The following CPEB3 variants were observed in gnomAD, a reference collection of about 807,000 sequenced individuals.
CPEB3 encodes cytoplasmic polyadenylation element binding protein 3.
Under a neutral mutation model 67.2 loss-of-function variants are expected in CPEB3, and 20 were observed. That is an observed-to-expected ratio of 0.30 (90% CI 0.21 to 0.43). CPEB3 has a LOEUF of 0.43. CPEB3 is among the 20% of genes least tolerant of loss of function. CPEB3 has a pLI of 1.00. For synonymous variants in CPEB3, 376 were observed against 393.1 expected, an observed-to-expected ratio of 0.96 and a Z score of 0.51; for missense variants, 746 against 968.6, an observed-to-expected ratio of 0.77 and a Z score of 3.05.
chr10:92,286,377 G>C (rs535062546), intron 1 of CPEB3, among the ~76,000 whole-genome samples: 2 of 151,960 alleles, frequency 1.3e-5, no homozygotes, highest in South Asian at 4.1e-4. Context: ...TTGAGGTCAG[G>C]AGTTCAAGAC....
At chr10:92,218,889 G>A (rs977475155) in intron 2 of CPEB3, among the ~76,000 whole-genome samples, 1 of 151,726 alleles carries the variant, frequency 6.6e-6, no homozygotes, top group Non-Finnish European at 1.5e-5. Flanking sequence ...ATCACAGCTC[G>A]CTGCAGCCTC....
chr10:92,057,207 C>A (rs1008892451), intron 9 of CPEB3, among the ~76,000 whole-genome samples: 13 of 152,168 alleles, frequency 8.5e-5, no homozygotes, highest in African/African-American at 2.9e-4. Flanking sequence ...ATTTCTGGAC[C>A]TGCCCTGGGC....
chr10:92,147,601 TCA>T (rs991425526), intron 4 of CPEB3, among the ~76,000 whole-genome samples: 2 of 152,154 alleles, frequency 1.3e-5, no homozygotes, highest in African/African-American at 4.8e-5. Flanking sequence ...GCCAAAGGAA[TCA>T]CAGTCTGGTG....
intron 1 of CPEB3, among the ~76,000 whole-genome samples, chr10:92,282,500 C>T (rs759704891): frequency 2.0e-5 from 3 of 151,748 alleles, no homozygotes; most frequent in Non-Finnish European, 2.9e-5. Flanking sequence ...CCAGCCTGAC[C>T]AACATGGTAA....
chr10:92,148,659 C>G (rs1846808325), intron 4 of CPEB3, among the ~76,000 whole-genome samples: 4 of 152,120 alleles, frequency 2.6e-5, no homozygotes, highest in Admixed American at 2.6e-4. Flanking sequence ...ACATAAAAGG[C>G]ACACCAAAAA....
chr10:92,195,796 G>A (rs1218571788), intron 2 of CPEB3, among the ~76,000 whole-genome samples: 1 of 152,120 alleles, frequency 6.6e-6, no homozygotes, highest in Non-Finnish European at 1.5e-5. Flanking sequence ...TTTTACACAT[G>A]AAGAAGGCAA....
At chr10:92,113,446 C>T (rs1408362927) in intron 6 of CPEB3, among the ~76,000 whole-genome samples, 1 of 152,172 alleles carries the variant, frequency 6.6e-6, no homozygotes, top group Non-Finnish European at 1.5e-5. Flanking sequence ...AAGAGGAGGT[C>T]TCAGCAGGTT....
chr10:92,069,412 T>A (rs1590068503), intron 9 of CPEB3, among the ~76,000 whole-genome samples: 1 of 152,352 alleles, frequency 6.6e-6, no homozygotes. Flanking sequence ...GCTATCACAA[T>A]GCCTTTTTTG....
chr10:92,127,511 T>C (rs556405377), intron 6 of CPEB3, among the ~76,000 whole-genome samples: 32 of 151,994 alleles, frequency 2.1e-4, no homozygotes, highest in African/African-American at 7.2e-4. Context: ...CCCCCATCTC[T>C]ACTAAAAAAT....
At chr10:92,203,494 ATATATATGTGTGTG>A (rs1849629497) in intron 2 of CPEB3, among the ~76,000 whole-genome samples, 5 of 144,192 alleles carry the variant, frequency 3.5e-5, no homozygotes, top group Non-Finnish European at 1.5e-5. Context: ...GTATATGTGT[ATATATATGTGTGTG>A]TATATATATA....
At chr10:92,190,103 C>A (rs1375482602) in intron 3 of CPEB3, among the ~76,000 whole-genome samples, 2 of 151,684 alleles carry the variant, frequency 1.3e-5, no homozygotes, top group African/African-American at 4.9e-5. Context: ...CATGGTGACA[C>A]CCCGTCTCTA....
intron 1 of CPEB3, among the ~76,000 whole-genome samples, chr10:92,267,651 T>C (rs1420252340): frequency 1.3e-5 from 2 of 152,076 alleles, no homozygotes; most frequent in Non-Finnish European, 2.9e-5. Flanking sequence ...TATTATATTA[T>C]CCAGGCAGGT....
At chr10:92,172,701 A>G (rs1418812477) in intron 4 of CPEB3, among the ~76,000 whole-genome samples, 1 of 152,186 alleles carries the variant, frequency 6.6e-6, no homozygotes, top group Non-Finnish European at 1.5e-5. Context: ...AAGGGGGAAA[A>G]AAACTGCATT....
intron 9 of CPEB3, among the ~76,000 whole-genome samples, chr10:92,072,514 G>A (rs758570912): frequency 2.0e-5 from 3 of 152,102 alleles, no homozygotes; most frequent in South Asian, 2.1e-4. Flanking sequence ...GTTTATCTGC[G>A]CAATAAAGTG....
chr10:92,189,678 T>C (rs1437145261), intron 3 of CPEB3, among the ~76,000 whole-genome samples: 2 of 150,156 alleles, frequency 1.3e-5, no homozygotes, highest in African/African-American at 2.4e-5. Context: ...TTGTTACCTC[T>C]AGGTAGAGAG....
intron 1 of CPEB3, among the ~76,000 whole-genome samples, chr10:92,266,458 T>C (rs1257888512): frequency 6.6e-6 from 1 of 152,188 alleles, no homozygotes; most frequent in Non-Finnish European, 1.5e-5. Context: ...AAGCTTCATA[T>C]GCAGAAATCA....
At chr10:92,176,821 C>A (rs1281991759) in intron 4 of CPEB3, among the ~76,000 whole-genome samples, 1 of 152,228 alleles carries the variant, frequency 6.6e-6, no homozygotes, top group Non-Finnish European at 1.5e-5. Context: ...CACAAGACCA[C>A]GAATGCTAAA....
chr10:92,091,415 T>G (rs893702380), intron 8 of CPEB3, among the ~76,000 whole-genome samples: 2 of 152,002 alleles, frequency 1.3e-5, no homozygotes, highest in African/African-American at 4.8e-5. Context: ...CAATTATGAT[T>G]CTGCTCAAAT....
Position 92,191,821 on chromosome 10 carries a change from G to A in CPEB3, c.1165+656C>T, listed in dbSNP as rs115377589. ...CTATAACCCATAAAAAGAACTATCT[G>A]TAATTATGAATTAAATACCAACATC... On this transcript the variant is annotated intron_variant, in intron 3 of 9. Transcript: ENST00000265997. Among the ~76,000 whole-genome samples, 496 of 152,296 alleles carry A rather than the reference G, an allele frequency of 3.3e-3. 2 individuals carry two copies. The highest frequency in any genetic ancestry group is 0.011 in the African/African-American group (470 of 41,562).
Sources: gnomAD v4.1 joint callset for allele counts (sites outside exome capture counted in the v4.1 genomes callset) on GRCh38, gnomAD v4.1.1 for gene constraint, MANE v1.5 for transcripts, NCBI Gene and HGNC (gene_info 2026-07-23, HGNC 2026-07-21) for gene names.